The following CDC42BPA variants were observed in gnomAD, a reference collection of about 807,000 sequenced individuals.
CDC42BPA encodes CDC42 binding protein kinase alpha.
A neutral mutation model predicts 223.5 loss-of-function variants in CDC42BPA; 80 were observed. The observed-to-expected ratio is 0.36, with a 90% CI of 0.30 to 0.43. The LOEUF is 0.43. CDC42BPA is among the 20% of genes least tolerant of loss of function. CDC42BPA has a pLI of 1.00. For synonymous variants in CDC42BPA, 694 were observed against 718.6 expected (o/e 0.97, Z 0.55); for missense variants, 1,743 against 2,099.9 (o/e 0.83, Z 3.32).
chr1:227,239,262 G>A (rs1306212165), intron 2 of CDC42BPA, among the ~76,000 whole-genome samples: 1 of 152,142 alleles, frequency 6.6e-6, no homozygotes, highest in Non-Finnish European at 1.5e-5. Flanking sequence ...AGGGGTCAGT[G>A]GTGAGGGAGA....
chr1:227,050,677 CAGA>C (rs1324579251), intron 22 of CDC42BPA, among the ~76,000 whole-genome samples: 1 of 151,938 alleles, frequency 6.6e-6, no homozygotes, highest in African/African-American at 2.4e-5. Context: ...AAAAAAATTA[CAGA>C]AGGATACAGG....
Position 227,017,054 on chromosome 1 carries a change from T to C in CDC42BPA, c.4616-4A>G, listed in dbSNP as rs763902584. On this transcript the variant is annotated splice_region_variant and splice_polypyrimidine_tract_variant and intron_variant, in intron 32 of 36. Coordinates refer to ENST00000366766, the MANE Select transcript of CDC42BPA (RefSeq NM_001394014.1). ...GGTACTACCAGTTCGTCCCCTTCTG[T>C]TAAAATAAAAATACAAACGATAATG... 2.5e-5 allele frequency: 40 copies of C among 1,606,380 alleles called. No individual in the cohort carries two copies. Among genetic ancestry groups the C allele is most frequent in the South Asian group, 1.9e-4 (17 of 89,330 alleles).
intron 35 of CDC42BPA, among the ~76,000 whole-genome samples, chr1:227,000,340 T>C (rs897030886): frequency 3.9e-5 from 6 of 152,168 alleles, no homozygotes; most frequent in African/African-American, 7.2e-5. Flanking sequence ...TACGAGCTAA[T>C]TGAACGCCAT....
chr1:227,237,532 T>C (rs1679271710), intron 2 of CDC42BPA, among the ~76,000 whole-genome samples: 1 of 152,228 alleles, frequency 6.6e-6, no homozygotes, highest in African/African-American at 2.4e-5. Flanking sequence ...CAGTGAACTT[T>C]CTTGACTGCA....
chr1:227,201,907 TATA>T (rs753880821), intron 3 of CDC42BPA, among the ~76,000 whole-genome samples: 4 of 152,282 alleles, frequency 2.6e-5, no homozygotes, highest in Non-Finnish European at 4.4e-5. Context: ...GTATGCTATA[TATA>T]ATAAGTGATT....
At chr1:227,048,477 A>G (rs1672901120) in intron 22 of CDC42BPA, among the ~76,000 whole-genome samples, 1 of 151,964 alleles carries the variant, frequency 6.6e-6, no homozygotes, top group African/African-American at 2.4e-5. Flanking sequence ...GGATGTGAAT[A>G]CATAGACAGA....
At chr1:227,107,395 G>A (rs922226134) in intron 14 of CDC42BPA, among the ~76,000 whole-genome samples, 3 of 151,810 alleles carry the variant, frequency 2.0e-5, no homozygotes, top group Admixed American at 2.0e-4. Flanking sequence ...CCTGGAACTT[G>A]GGTGAATTTA....
rs770564013 is a variant in CDC42BPA at position 227,040,117 on chromosome 1, C to CT, written c.3199+13dup. The CT allele has an allele frequency of 6.8e-7, 1 of 1,459,986 alleles. No individual in the cohort carries two copies. The highest frequency in any genetic ancestry group is 1.1e-5 in the South Asian group (1 of 87,702). The allele number at this position is 1,459,986 out of a possible 1,614,324, so 90.4% of individuals were successfully genotyped here. On this transcript the variant is annotated intron_variant, in intron 24 of 36. Transcript: ENST00000366766. ...AGATAGTGAAGTCACATTTTCTTTCCTTTGTGTTCTTACCTTCACATGAAC... is the reference window on the plus strand; with the variant it reads ...AGATAGTGAAGTCACATTTTCTTTCCTTTTGTGTTCTTACCTTCACATGAAC...
At chr1:227,237,279 T>C (rs924829465) in intron 2 of CDC42BPA, among the ~76,000 whole-genome samples, 3 of 152,080 alleles carry the variant, frequency 2.0e-5, no homozygotes, top group African/African-American at 7.2e-5. Flanking sequence ...TTAAAATGAG[T>C]AATACATTTA....
chr1:226,998,935 A>AC (rs1572148783), intron 35 of CDC42BPA, among the ~76,000 whole-genome samples: 1 of 152,326 alleles, frequency 6.6e-6, no homozygotes, highest in East Asian at 1.9e-4. Context: ...CAAGGAACTT[A>AC]AACAAATTTA....
chr1:227,155,019 T>C (rs889993199), intron 6 of CDC42BPA, among the ~76,000 whole-genome samples: 19 of 152,136 alleles, frequency 1.2e-4, no homozygotes, highest in Admixed American at 6.5e-4. Context: ...ATTCAGCTGG[T>C]ATGGTTTTGA....
At chr1:227,062,635 G>C (rs1676156954) in intron 21 of CDC42BPA, among the ~76,000 whole-genome samples, 1 of 152,106 alleles carries the variant, frequency 6.6e-6, no homozygotes, top group Non-Finnish European at 1.5e-5. Context: ...GAATCCTTCT[G>C]AATGTCCATA....
intron 1 of CDC42BPA, among the ~76,000 whole-genome samples, chr1:227,260,130 A>G (rs1339949682): frequency 1.3e-5 from 2 of 150,954 alleles, no homozygotes; most frequent in African/African-American, 5.0e-5. Flanking sequence ...CAGATCTATC[A>G]GGCTCCAAAA....
chr1:227,280,962 G>A (rs558996660), intron 1 of CDC42BPA, among the ~76,000 whole-genome samples: 5 of 152,254 alleles, frequency 3.3e-5, no homozygotes, highest in Admixed American at 1.3e-4. Flanking sequence ...GGGATAGACC[G>A]GCTGCTACTG....
At chr1:227,281,982 G>C (rs181921000) in intron 1 of CDC42BPA, among the ~76,000 whole-genome samples, 1 of 152,188 alleles carries the variant, frequency 6.6e-6, no homozygotes. Flanking sequence ...TTGAGGTCGG[G>C]AGTTCGCGAC....
Position 227,119,956 on chromosome 1 carries a change from G to C in CDC42BPA, c.1514-19C>G. 6.4e-7 allele frequency: 1 copy of C among 1,556,076 alleles called. No individual in the cohort carries two copies. Among genetic ancestry groups the C allele is most frequent in the South Asian group, 1.2e-5 (1 of 81,788 alleles). On this transcript the variant is annotated intron_variant, in intron 11 of 36. Transcript: ENST00000366766. ...CTTGATTCTAAAAACAAAAGACAAT[G>C]TTTCTTTTACTATTTGTATAAAAGC...
intron 1 of CDC42BPA, among the ~76,000 whole-genome samples, chr1:227,297,802 G>C (rs1690902963): frequency 6.6e-6 from 1 of 151,750 alleles, no homozygotes; most frequent in Non-Finnish European, 1.5e-5. Flanking sequence ...ATGTAGAGTT[G>C]TTGGTTAATG....
Position 227,152,449 on chromosome 1 carries a change from C to T in CDC42BPA, c.694-4890G>A, listed in dbSNP as rs115126415. Among the ~76,000 whole-genome samples, 482 of 152,100 alleles carry T rather than the reference C, an allele frequency of 3.2e-3. 3 individuals are homozygous for T. Among genetic ancestry groups the T allele is most frequent in the African/African-American group, 0.011 (463 of 41,486 alleles). On this transcript the variant is annotated intron_variant, in intron 6 of 36. Transcript: ENST00000366766. The stretch of plus-strand genomic sequence containing the variant: ...TTACAGTGTGAAGTAATCTAAGTTT[C>T]TTGTTTTGATAGGGAATGTGGCAGA...
chr1:227,289,271 A>T (rs950600772), intron 1 of CDC42BPA, among the ~76,000 whole-genome samples: 7 of 152,112 alleles, frequency 4.6e-5, no homozygotes, highest in African/African-American at 1.7e-4. Context: ...CTCATACCCT[A>T]CCACTCTCCC....
Sources: gnomAD v4.1 joint callset for allele counts (sites outside exome capture counted in the v4.1 genomes callset) on GRCh38, gnomAD v4.1.1 for gene constraint, MANE v1.5 for transcripts, NCBI Gene and HGNC (gene_info 2026-07-23, HGNC 2026-07-21) for gene names.